Variants in SNTG1 observed in about 807,000 individuals in gnomAD.
SNTG1 encodes the protein gamma-1-syntrophin.
Under a neutral mutation model 74.7 loss-of-function variants are expected in SNTG1, and 39 were observed. That is an observed-to-expected ratio of 0.52 (90% confidence interval 0.40 to 0.68). The LOEUF (loss-of-function observed/expected upper bound fraction) is 0.68. Among genes scored for constraint, SNTG1 ranks in the 30% least tolerant of loss-of-function variants. The pLI, the probability that SNTG1 is intolerant of heterozygous loss-of-function variation, is 0.00. For synonymous variants in SNTG1, 254 were observed against 217.1 expected, an observed-to-expected ratio of 1.17 and a Z score of -1.49; for missense variants, 685 against 609.5, an observed-to-expected ratio of 1.12 and a Z score of -1.30.
At chr8:49,953,335 G>T (rs936197235) in intron 1 of SNTG1, among the ~76,000 whole-genome samples, 1 of 152,166 alleles carries the variant, frequency 6.6e-6, no homozygotes, top group African/African-American at 2.4e-5. Flanking sequence ...AGTCTGAGAG[G>T]ACCCTTGGGG....
chr8:50,653,566 A>T (rs923199940), intron 13 of SNTG1, among the ~76,000 whole-genome samples: 1 of 151,924 alleles, frequency 6.6e-6, no homozygotes, highest in Non-Finnish European at 1.5e-5. Context: ...TTTCTTTTTA[A>T]TCTCCTTTGC....
chr8:50,519,513 T>C (rs1426536636), intron 9 of SNTG1, among the ~76,000 whole-genome samples: 1 of 152,168 alleles, frequency 6.6e-6, no homozygotes, highest in Non-Finnish European at 1.5e-5. Flanking sequence ...GAAGTCAAAT[T>C]GTCTCTGTTT....
chr8:50,330,429 C>T (rs147545978), intron 2 of SNTG1, among the ~76,000 whole-genome samples: 141 of 152,256 alleles, frequency 9.3e-4, no homozygotes, highest in African/African-American at 3.1e-3. Flanking sequence ...CATCATCATC[C>T]GCATTTTGGT....
intron 2 of SNTG1, among the ~76,000 whole-genome samples, chr8:50,272,442 C>T (rs1231622124): frequency 1.3e-5 from 2 of 152,158 alleles, no homozygotes; most frequent in East Asian, 1.9e-4. Context: ...CAGGTGTGCA[C>T]AGAACTTTGT....
chr8:50,247,504 T>A (rs1054852587), intron 2 of SNTG1, among the ~76,000 whole-genome samples: 5 of 152,094 alleles, frequency 3.3e-5, no homozygotes, highest in African/African-American at 1.2e-4. Flanking sequence ...AATTGAAATC[T>A]ATGAATAGAT....
intron 1 of SNTG1, among the ~76,000 whole-genome samples, chr8:50,151,998 T>G (rs1426341999): frequency 6.6e-6 from 1 of 152,192 alleles, no homozygotes; most frequent in Non-Finnish European, 1.5e-5. Context: ...CTGTCTAATG[T>G]TGACAGTGGG....
chr8:50,466,468 G>A (rs1376829650), intron 8 of SNTG1, among the ~76,000 whole-genome samples: 1 of 151,800 alleles, frequency 6.6e-6, no homozygotes. Flanking sequence ...CTTCAAATTG[G>A]GAAACATGAG....
intron 1 of SNTG1, among the ~76,000 whole-genome samples, chr8:50,146,793 T>A (rs1322183390): frequency 1.3e-5 from 2 of 152,312 alleles, no homozygotes; most frequent in East Asian, 3.9e-4. Context: ...GATTTATTTA[T>A]ATTATTATTT....
At chr8:50,679,146 C>T (rs561096602) in intron 15 of SNTG1, among the ~76,000 whole-genome samples, 1 of 152,028 alleles carries the variant, frequency 6.6e-6, no homozygotes, top group Non-Finnish European at 1.5e-5. Flanking sequence ...GACAAGTTTT[C>T]TGACTTTATT....
rs575336246 is a variant in SNTG1, at chr8:50,541,003, T to C, written c.680+4195T>C. The stretch of plus-strand genomic sequence containing the variant: ...ACTTGGTCATTAATTCAAATTAGTC[T>C]AGTTACCTTTAATGTAACTACATAT... On this transcript the variant is annotated intron_variant, in intron 11 of 18. Transcript: ENST00000642720. 1.1e-4 allele frequency among the ~76,000 whole-genome samples: 17 copies of C among 152,230 alleles called. No homozygotes were observed. In the South Asian group the frequency reaches 2.3e-3, roughly 20 times the overall value.
intron 1 of SNTG1, among the ~76,000 whole-genome samples, chr8:50,158,792 C>G (rs916449611): frequency 6.6e-6 from 1 of 151,998 alleles, no homozygotes; most frequent in Non-Finnish European, 1.5e-5. Flanking sequence ...TTCTGGTAGG[C>G]CTTGATGCAC....
chr8:50,215,214 C>T (rs1163479759), intron 2 of SNTG1, among the ~76,000 whole-genome samples: 1 of 151,766 alleles, frequency 6.6e-6, no homozygotes, highest in Non-Finnish European at 1.5e-5. Context: ...TCAGCTGAGA[C>T]TTTTAGAAGA....
chr8:49,982,812 T>G (rs893439423), intron 1 of SNTG1, among the ~76,000 whole-genome samples: 1 of 152,194 alleles, frequency 6.6e-6, no homozygotes, highest in Non-Finnish European at 1.5e-5. Context: ...TTAACACTTA[T>G]GTCCATGTTT....
intron 13 of SNTG1, among the ~76,000 whole-genome samples, chr8:50,626,643 A>G (rs1331188906): frequency 1.3e-5 from 2 of 152,248 alleles, no homozygotes; most frequent in African/African-American, 2.4e-5. Context: ...CAGCAGGAAC[A>G]TGTCCTTAAG....
intron 5 of SNTG1, among the ~76,000 whole-genome samples, chr8:50,448,880 A>C (rs1320213553): frequency 1.7e-5 from 2 of 117,132 alleles, no homozygotes; most frequent in Non-Finnish European, 4.1e-5. Flanking sequence ...TAAAAATACA[A>C]AAATTAGCTG....
intron 5 of SNTG1, among the ~76,000 whole-genome samples, chr8:50,440,078 C>T (rs2093344485): frequency 6.6e-6 from 1 of 151,050 alleles, no homozygotes; most frequent in South Asian, 2.1e-4. Flanking sequence ...TATTTCAATC[C>T]AATCAAAACT....
chr8:49,926,299 A>C (rs980948609), intron 1 of SNTG1, among the ~76,000 whole-genome samples: 14 of 150,680 alleles, frequency 9.3e-5, no homozygotes, highest in Non-Finnish European at 1.3e-4. Flanking sequence ...GGTAACAAAA[A>C]ATCTACACAC....
chr8:50,351,746 T>C (rs2091668912), intron 2 of SNTG1, among the ~76,000 whole-genome samples: 1 of 152,208 alleles, frequency 6.6e-6, no homozygotes, highest in Non-Finnish European at 1.5e-5. Flanking sequence ...TATCAGGATA[T>C]GCCTGGTCTG....
At chr8:50,547,692 A>T (rs915089266) in intron 11 of SNTG1, among the ~76,000 whole-genome samples, 4 of 152,180 alleles carry the variant, frequency 2.6e-5, no homozygotes, top group Non-Finnish European at 5.9e-5. Context: ...ATAAAAAGAA[A>T]TAACCCTTGA....
Sources: gnomAD v4.1 joint callset for allele counts (sites outside exome capture counted in the v4.1 genomes callset) on GRCh38, gnomAD v4.1.1 for gene constraint, MANE v1.5 for transcripts, NCBI Gene and HGNC (gene_info 2026-07-23, HGNC 2026-07-21) for gene names.